Variants in PAK5 observed in about 807,000 individuals in gnomAD.
PAK5 encodes serine/threonine-protein kinase PAK 5.
A neutral mutation model predicts 65.9 loss-of-function variants in PAK5; 16 were observed. That is an observed-to-expected ratio of 0.24 (90% confidence interval 0.16 to 0.37). The LOEUF (loss-of-function observed/expected upper bound fraction) is 0.37. Ranked by LOEUF, PAK5 falls within the 10% of genes least tolerant of loss-of-function variation. PAK5 has a pLI of 1.00. For synonymous variants in PAK5, 371 were observed against 354.9 expected (o/e 1.05, Z -0.51); for missense variants, 785 against 903.9 (o/e 0.87, Z 1.69).
intron 1 of PAK5, among the ~76,000 whole-genome samples, chr20:9,811,131 T>A (rs182010500): frequency 3.3e-3 from 496 of 152,310 alleles, no homozygotes; most frequent in African/African-American, 0.011. Flanking sequence ...GAATATTTAA[T>A]TTGAGCAAAA....
chr20:9,700,648 A>C (rs1424570375), intron 2 of PAK5, among the ~76,000 whole-genome samples: 1 of 152,152 alleles, frequency 6.6e-6, no homozygotes, highest in East Asian at 1.9e-4. Flanking sequence ...TACCAGGGAG[A>C]AGAAAATCCC....
At chr20:9,717,084 C>T (rs1306891996) in intron 1 of PAK5, among the ~76,000 whole-genome samples, 1 of 122,488 alleles carries the variant, frequency 8.2e-6, no homozygotes, top group Admixed American at 8.4e-5. Context: ...GAACTTATCT[C>T]AAAAAAAAAA....
At chr20:9,696,237 C>G (rs1196546408) in intron 2 of PAK5, among the ~76,000 whole-genome samples, 1 of 152,026 alleles carries the variant, frequency 6.6e-6, no homozygotes, top group Non-Finnish European at 1.5e-5. Flanking sequence ...CACAGTGGTT[C>G]TCAAGGTGCA....
intron 1 of PAK5, among the ~76,000 whole-genome samples, chr20:9,819,979 C>G (rs2049400926): frequency 6.6e-6 from 1 of 152,080 alleles, no homozygotes; most frequent in Non-Finnish European, 1.5e-5. Flanking sequence ...TATACAGAAA[C>G]ACTCAGAGCT....
At chr20:9,574,961 A>G (rs142343717) in intron 4 of PAK5, among the ~76,000 whole-genome samples, 32 of 152,318 alleles carry the variant, frequency 2.1e-4, no homozygotes, top group African/African-American at 7.7e-4. Context: ...GATCCTCAGT[A>G]GAAAAGAAGT....
chr20:9,745,591 G>A (rs1358808586), intron 1 of PAK5, among the ~76,000 whole-genome samples: 1 of 152,006 alleles, frequency 6.6e-6, no homozygotes. Context: ...TTATTTTCAT[G>A]CGTTGATCTT....
intron 1 of PAK5, among the ~76,000 whole-genome samples, chr20:9,771,962 C>T (rs934570547): frequency 3.9e-5 from 6 of 152,066 alleles, no homozygotes; most frequent in African/African-American, 7.2e-5. Context: ...TACTTGAACC[C>T]GAGAGGCCGA....
intron 3 of PAK5, among the ~76,000 whole-genome samples, chr20:9,641,868 G>C (rs2047071123): frequency 6.6e-6 from 1 of 152,292 alleles, no homozygotes; most frequent in Middle Eastern, 3.4e-3. Flanking sequence ...CAGCAGGGCT[G>C]GCTGGGTGCT....
intron 2 of PAK5, among the ~76,000 whole-genome samples, chr20:9,647,955 G>T (rs1400525180): frequency 1.3e-5 from 2 of 152,166 alleles, no homozygotes; most frequent in Admixed American, 1.3e-4. Context: ...AGCACCATGG[G>T]ACAGATGGAC....
At chr20:9,719,937 A>G in intron 1 of PAK5, among the ~76,000 whole-genome samples, 1 of 152,226 alleles carries the variant, frequency 6.6e-6, no homozygotes, top group East Asian at 1.9e-4. Context: ...AAATTAACTT[A>G]AATTTAATCT....
At chr20:9,562,164 A>T (rs1258575715) in intron 6 of PAK5, among the ~76,000 whole-genome samples, 1 of 152,174 alleles carries the variant, frequency 6.6e-6, no homozygotes, top group Non-Finnish European at 1.5e-5. Context: ...TGAGAGAGAC[A>T]TTTAGGTATT....
At chr20:9,782,960 G>A (rs1410115488) in intron 1 of PAK5, among the ~76,000 whole-genome samples, 8 of 139,382 alleles carry the variant, frequency 5.7e-5, no homozygotes, top group East Asian at 2.0e-4. Context: ...ACGGAGTTTC[G>A]CTCTTGTTGC....
intron 3 of PAK5, among the ~76,000 whole-genome samples, chr20:9,628,507 G>T (rs144087696): frequency 6.1e-4 from 93 of 152,230 alleles, no homozygotes; most frequent in Middle Eastern, 3.4e-3. Flanking sequence ...TGTTCTCAAA[G>T]CTTTCATAAC....
chr20:9,732,314 A>T (rs1450052633), intron 1 of PAK5, among the ~76,000 whole-genome samples: 1 of 152,202 alleles, frequency 6.6e-6, no homozygotes, highest in African/African-American at 2.4e-5. Context: ...GTAAATTTTC[A>T]TTTGCATTCC....
At chr20:9,707,913 A>T (rs1021415972) in intron 2 of PAK5, among the ~76,000 whole-genome samples, 1 of 152,156 alleles carries the variant, frequency 6.6e-6, no homozygotes, top group African/African-American at 2.4e-5. Context: ...CAACTCACCC[A>T]CAGGCTCCTG....
chr20:9,586,793 T>C (rs914235614), intron 3 of PAK5, among the ~76,000 whole-genome samples: 1 of 152,274 alleles, frequency 6.6e-6, no homozygotes, highest in South Asian at 2.1e-4. Context: ...TGTGCACTTG[T>C]CACCAGGTAT....
At chr20:9,727,166 T>C (rs182611159) in intron 1 of PAK5, among the ~76,000 whole-genome samples, 31 of 152,288 alleles carry the variant, frequency 2.0e-4, no homozygotes, top group Non-Finnish European at 3.8e-4. Context: ...CATTATTTTT[T>C]AAGAGGTAGG....
At chr20:9,677,836 C>T (rs1002103491) in intron 2 of PAK5, among the ~76,000 whole-genome samples, 4 of 152,286 alleles carry the variant, frequency 2.6e-5, no homozygotes, top group African/African-American at 9.6e-5. Flanking sequence ...TCTTGAAATA[C>T]CGTTTATGCT....
At chr20:9,696,094 G>A (rs1437545694) in intron 2 of PAK5, among the ~76,000 whole-genome samples, 1 of 152,076 alleles carries the variant, frequency 6.6e-6, no homozygotes. Context: ...GTGGCCAGTG[G>A]CTACCATACT....
Sources: gnomAD v4.1 joint callset for allele counts (sites outside exome capture counted in the v4.1 genomes callset) on GRCh38, gnomAD v4.1.1 for gene constraint, MANE v1.5 for transcripts, NCBI Gene and HGNC (gene_info 2026-07-23, HGNC 2026-07-21) for gene names.